The following CAMSAP2 variants were observed in gnomAD, a reference collection of about 807,000 sequenced individuals.
CAMSAP2 encodes calmodulin regulated spectrin associated protein family member 2.
A neutral mutation model predicts 146.1 loss-of-function variants in CAMSAP2; 26 were observed. The observed-to-expected ratio is 0.18, with a 90% CI of 0.13 to 0.25. CAMSAP2 has a LOEUF of 0.25. Ranked by LOEUF, CAMSAP2 falls within the 10% of genes least tolerant of loss-of-function variation. The pLI is 1.00. For synonymous variants in CAMSAP2, 499 were observed against 596.6 expected (o/e 0.84, Z 2.38); for missense variants, 1,381 against 1,759.3 (o/e 0.78, Z 3.85).
chr1:200,758,206 A>G (rs775503958), intron 1 of CAMSAP2, among the ~76,000 whole-genome samples: 2 of 152,254 alleles, frequency 1.3e-5, no homozygotes, highest in Non-Finnish European at 2.9e-5. Context: ...TATAGGTATG[A>G]TAGATAAATT....
intron 2 of CAMSAP2, among the ~76,000 whole-genome samples, chr1:200,788,642 TC>T (rs1183130656): frequency 9.2e-5 from 10 of 108,174 alleles, no homozygotes; most frequent in African/African-American, 2.8e-4. Context: ...TTTCTTTTTT[TC>T]TTTTTTTTTT....
intron 2 of CAMSAP2, among the ~76,000 whole-genome samples, chr1:200,786,395 T>C (rs1422982119): frequency 1.3e-5 from 2 of 152,048 alleles, no homozygotes; most frequent in Admixed American, 1.3e-4. Context: ...TTTTTTTTTT[T>C]TTCTTTGAGA....
chr1:200,766,495 C>T (rs923131838), intron 2 of CAMSAP2, among the ~76,000 whole-genome samples: 3 of 152,072 alleles, frequency 2.0e-5, no homozygotes, highest in Non-Finnish European at 2.9e-5. Context: ...CTCTATCTTA[C>T]GTAATTTAAT....
chr1:200,754,574 CTTTTTTTTT>C (rs35219206), intron 1 of CAMSAP2, among the ~76,000 whole-genome samples: 4 of 86,578 alleles, frequency 4.6e-5, no homozygotes, highest in African/African-American at 1.8e-4. Flanking sequence ...GAAAGAGCTC[CTTTTTTTTT>C]TTTTTTTTTT....
chr1:200,761,596 A>G (rs1273528534), intron 2 of CAMSAP2, among the ~76,000 whole-genome samples: 1 of 152,264 alleles, frequency 6.6e-6, no homozygotes, highest in East Asian at 1.9e-4. Flanking sequence ...TTAGCCGGGC[A>G]TGGTGGTGCA....
intron 6 of CAMSAP2, among the ~76,000 whole-genome samples, chr1:200,835,066 A>G (rs1209599780): frequency 2.0e-5 from 3 of 152,234 alleles, no homozygotes; most frequent in African/African-American, 7.2e-5. Context: ...GGCAACCCCC[A>G]TGTATGCAGT....
intron 6 of CAMSAP2, among the ~76,000 whole-genome samples, chr1:200,834,462 T>C (rs574568932): frequency 9.9e-5 from 15 of 152,234 alleles, no homozygotes; most frequent in Non-Finnish European, 1.8e-4. Context: ...ATGAATACTG[T>C]TATTTTTAAT....
At chr1:200,759,642 C>T (rs577132737) in intron 1 of CAMSAP2, among the ~76,000 whole-genome samples, 1 of 152,176 alleles carries the variant, frequency 6.6e-6, no homozygotes, top group African/African-American at 2.4e-5. Context: ...TTAAAGCTGC[C>T]TATTCAGGAA....
intron 4 of CAMSAP2, 106 bp downstream of exon 4, chr1:200,815,750 G>A (rs940579871): frequency 2.1e-5 from 11 of 535,940 alleles, no homozygotes; most frequent in Non-Finnish European, 2.8e-5. Flanking sequence ...TTATTTTTTA[G>A]TGGTGTTAAC....
intron 6 of CAMSAP2, among the ~76,000 whole-genome samples, chr1:200,838,122 G>A (rs1163624631): frequency 6.6e-6 from 1 of 152,124 alleles, no homozygotes; most frequent in Admixed American, 6.6e-5. Context: ...ATCTTCATAA[G>A]TTTTAATTAC....
intron 3 of CAMSAP2, among the ~76,000 whole-genome samples, chr1:200,809,158 T>C (rs1470648121): frequency 3.9e-5 from 6 of 152,202 alleles, no homozygotes; most frequent in Admixed American, 6.5e-5. Flanking sequence ...TACTGTCAGC[T>C]AAATTTGCCT....
intron 6 of CAMSAP2, among the ~76,000 whole-genome samples, chr1:200,839,900 G>C (rs769728583): frequency 6.6e-6 from 1 of 152,162 alleles, no homozygotes; most frequent in African/African-American, 2.4e-5. Context: ...GTCAAGCAGG[G>C]ATGAGAGCCA....
chr1:200,754,618 T>TGTC (rs1664597924), intron 1 of CAMSAP2, among the ~76,000 whole-genome samples: 1 of 140,462 alleles, frequency 7.1e-6, no homozygotes, highest in East Asian at 2.3e-4. Flanking sequence ...AGTCTGGCTC[T>TGTC]GTCGCCCAGG....
chr1:200,748,214 A>C (rs1343018710), intron 1 of CAMSAP2, among the ~76,000 whole-genome samples: 1 of 152,190 alleles, frequency 6.6e-6, no homozygotes, highest in Non-Finnish European at 1.5e-5. Flanking sequence ...ACTTATGGCC[A>C]ATCTTGATTC....
intron 14 of CAMSAP2, 72 bp from the exon 15 acceptor site, chr1:200,855,938 C>A: frequency 1.0e-6 from 1 of 984,874 alleles, no homozygotes; most frequent in Non-Finnish European, 1.6e-6. Context: ...TTGATTGTTA[C>A]TTTCACGTAT....
intron 2 of CAMSAP2, among the ~76,000 whole-genome samples, chr1:200,766,052 G>C (rs191391940): frequency 6.6e-6 from 1 of 152,034 alleles, no homozygotes; most frequent in African/African-American, 2.4e-5. Context: ...AAACTGAACC[G>C]CTATACTGTC....
intron 4 of CAMSAP2, among the ~76,000 whole-genome samples, chr1:200,818,734 TATC>T (rs971392441): frequency 1.3e-5 from 2 of 152,212 alleles, no homozygotes; most frequent in Non-Finnish European, 2.9e-5. Flanking sequence ...CTGGAAATAT[TATC>T]ATTCCATTCT....
intron 2 of CAMSAP2, among the ~76,000 whole-genome samples, chr1:200,803,499 C>CTA (rs1342660463): frequency 1.3e-5 from 2 of 152,002 alleles, no homozygotes; most frequent in Admixed American, 1.3e-4. Flanking sequence ...TAGCTCCAAA[C>CTA]TGATTGATTT....
chr1:200,750,903 T>A (rs1307297891), intron 1 of CAMSAP2, among the ~76,000 whole-genome samples: 4 of 8,586 alleles, frequency 4.7e-4, no homozygotes, highest in Non-Finnish European at 4.4e-3. Flanking sequence ...GCGCCTGCCT[T>A]TTTTTTTTTT....
Sources: gnomAD v4.1 joint callset for allele counts (sites outside exome capture counted in the v4.1 genomes callset) on GRCh38, gnomAD v4.1.1 for gene constraint, MANE v1.5 for transcripts, NCBI Gene and HGNC (gene_info 2026-07-23, HGNC 2026-07-21) for gene names.